RILPL2: variants seen among roughly 807,000 people sequenced by gnomAD.
The protein encoded by RILPL2 is RILP-like protein 2.
A neutral mutation model predicts 22.2 loss-of-function variants in RILPL2; 19 were observed. That is an observed-to-expected ratio of 0.86 (90% CI 0.60 to 1.25). The LOEUF (loss-of-function observed/expected upper bound fraction) is 1.25. Ranked by LOEUF, RILPL2 falls within the 50% of genes most tolerant of loss-of-function variation. The probability of loss-of-function intolerance (pLI) is 0.00; values close to 1 mark genes in which losing one functional copy is unlikely to be tolerated. For synonymous variants in RILPL2, 123 were observed against 111.6 expected (o/e 1.10, Z -0.64); for missense variants, 243 against 263.6 (o/e 0.92, Z 0.54).
rs1333592445 is a variant in RILPL2 at position 123,436,107 on chromosome 12, C to A, written c.314G>T (p.Arg105Ile). ...CTCCCCGCTGGCCGGAGGGCTCTGTCTCCGCAGCCCCTCCACCTCCTTCCT... is the reference window on the plus strand; with the variant it reads ...CTCCCCGCTGGCCGGAGGGCTCTGTATCCGCAGCCCCTCCACCTCCTTCCT... The part of the protein sequence containing the change: ...HLRKEVEGLR[R>I]QSPPASGEVN... Residue 105 changes from arginine (R) to isoleucine (I), a missense_variant, in exon 1 of 4, where the codon AGA becomes ATA. Physicochemically the swap from Arg to Ile is moderately conservative, Grantham distance 97. Coordinates refer to ENST00000280571, the MANE Select transcript of RILPL2 (RefSeq NM_145058.3). The surrounding 1 kb of genome is among the most constrained non-coding windows in gnomAD (Gnocchi z 6.7). 1 of 1,583,498 alleles carries A rather than the reference C, an allele frequency of 6.3e-7. No homozygotes were observed. The highest frequency in any genetic ancestry group is 1.8e-5 in the Admixed American group (1 of 55,488).
chr12:123,425,745 G>T (rs28699127), intron 2 of RILPL2, among the ~76,000 whole-genome samples: 48,866 of 150,404 alleles, frequency 0.32, 8,344 homozygotes, highest in South Asian at 0.52. Flanking sequence ...CACCTCCCTG[G>T]TTCAAGCAAT....
intron 2 of RILPL2, among the ~76,000 whole-genome samples, chr12:123,426,702 C>T (rs1465855399): frequency 6.6e-6 from 1 of 151,904 alleles, no homozygotes; most frequent in Non-Finnish European, 1.5e-5. Flanking sequence ...CCGGGGCTCA[C>T]GCCATCCTCC....
chr12:123,433,415 GTGTT>G (rs1222011504), intron 1 of RILPL2, among the ~76,000 whole-genome samples: 12 of 150,134 alleles, frequency 8.0e-5, no homozygotes, highest in South Asian at 2.1e-4. Flanking sequence ...TGTATACTTG[GTGTT>G]TGTTTGTTTG....
At chr12:123,414,648 G>GT (rs1879065996), downstream of RILPL2, 1 of 154,176 alleles carries the variant, frequency 6.5e-6, no homozygotes, top group South Asian at 2.0e-4. Context: ...AGCGAGGGCT[G>GT]TGAGGACTGC....
At chr12:123,432,276 C>T (rs920020730) in intron 1 of RILPL2, among the ~76,000 whole-genome samples, 6 of 152,088 alleles carry the variant, frequency 3.9e-5, no homozygotes, top group African/African-American at 7.2e-5. Context: ...GAGGCTAGAG[C>T]GGGTGGATCG....
At chr12:123,434,635 C>A (rs941124772) in intron 1 of RILPL2, among the ~76,000 whole-genome samples, 1 of 151,158 alleles carries the variant, frequency 6.6e-6, no homozygotes, top group Non-Finnish European at 1.5e-5. Flanking sequence ...ACCATGTTGG[C>A]CAGGCTGGTC....
chr12:123,424,408 C>T (rs942126646), intron 2 of RILPL2, among the ~76,000 whole-genome samples: 10 of 150,792 alleles, frequency 6.6e-5, no homozygotes, highest in East Asian at 2.0e-4. Flanking sequence ...CTCGGCTCAC[C>T]GTAGCCTCTG....
intron 3 of RILPL2, among the ~76,000 whole-genome samples, chr12:123,422,367 T>G (rs1879310457): frequency 6.6e-6 from 1 of 151,818 alleles, no homozygotes; most frequent in Non-Finnish European, 1.5e-5. Flanking sequence ...AATACAAAAA[T>G]TAGCCAGGCA....
chr12:123,434,416 G>A (rs1449175729), intron 1 of RILPL2, among the ~76,000 whole-genome samples: 2 of 151,034 alleles, frequency 1.3e-5, no homozygotes, highest in Middle Eastern at 3.4e-3. Flanking sequence ...AGCTGTCCCC[G>A]CAAAAAAGAC....
chr12:123,422,052 G>C (rs1879299151), intron 3 of RILPL2, among the ~76,000 whole-genome samples: 1 of 149,854 alleles, frequency 6.7e-6, no homozygotes, highest in Admixed American at 6.7e-5. Context: ...ACCCAGGCTG[G>C]AGTGCAGTAG....
chr12:123,427,794 C>T (rs1349900563), intron 2 of RILPL2, among the ~76,000 whole-genome samples: 1 of 152,160 alleles, frequency 6.6e-6, no homozygotes, highest in Non-Finnish European at 1.5e-5. Context: ...ATCTGCCTGC[C>T]TCGGCCTCCC....
intron 1 of RILPL2, among the ~76,000 whole-genome samples, chr12:123,433,038 A>G (rs1019241763): frequency 1.3e-5 from 2 of 151,910 alleles, no homozygotes; most frequent in Non-Finnish European, 2.9e-5. Flanking sequence ...GGGAAACTTC[A>G]TACTTCCATG....
At chr12:123,426,604 CTTTT>C (rs1037982974) in intron 2 of RILPL2, among the ~76,000 whole-genome samples, 11 of 151,334 alleles carry the variant, frequency 7.3e-5, no homozygotes, top group Admixed American at 1.3e-4. Context: ...TTCTTTCTTT[CTTTT>C]TTTTCTTTTT....
At chr12:123,428,212 C>G (rs1342002829) in intron 2 of RILPL2, among the ~76,000 whole-genome samples, 2 of 152,176 alleles carry the variant, frequency 1.3e-5, no homozygotes, top group African/African-American at 2.4e-5. Context: ...TGTCGGCTCG[C>G]TGCAAGCTCC....
At chr12:123,421,943 C>T (rs1366360358) in intron 3 of RILPL2, among the ~76,000 whole-genome samples, 3 of 151,280 alleles carry the variant, frequency 2.0e-5, no homozygotes, top group African/African-American at 7.3e-5. Flanking sequence ...GCTGGGATTA[C>T]AGGAGTAAGC....
At chr12:123,428,218 G>T (rs1393960689) in intron 2 of RILPL2, among the ~76,000 whole-genome samples, 1 of 152,038 alleles carries the variant, frequency 6.6e-6, no homozygotes, top group East Asian at 1.9e-4. Context: ...CTCGCTGCAA[G>T]CTCCACCTCC....
At chr12:123,431,577 A>T (rs1323235262) in intron 1 of RILPL2, among the ~76,000 whole-genome samples, 1 of 152,112 alleles carries the variant, frequency 6.6e-6, no homozygotes, top group East Asian at 1.9e-4. Flanking sequence ...TTATCCCAGC[A>T]CTTTGGGAGG....
intron 2 of RILPL2, among the ~76,000 whole-genome samples, chr12:123,426,389 G>A (rs1879442356): frequency 6.6e-6 from 1 of 152,098 alleles, no homozygotes; most frequent in Admixed American, 6.6e-5. Context: ...CTGACCTCAG[G>A]TGATCCACCC....
intron 1 of RILPL2, among the ~76,000 whole-genome samples, chr12:123,434,763 T>C (rs1020974738): frequency 1.2e-4 from 16 of 132,782 alleles, no homozygotes; most frequent in Non-Finnish European, 2.0e-4. Context: ...CCTATATCCA[T>C]ACCCTGATTA....
Sources: gnomAD v4.1 joint callset for allele counts (sites outside exome capture counted in the v4.1 genomes callset) on GRCh38, gnomAD v4.1.1 for gene constraint, Gnocchi (gnomAD v3.1) non-coding constraint, MANE v1.5 for transcripts, NCBI Gene and HGNC (gene_info 2026-07-23, HGNC 2026-07-21) for gene names.